The following GAS6 variants were observed in gnomAD, a reference collection of about 807,000 sequenced individuals.
The protein encoded by GAS6 is growth arrest-specific protein 6.
Under a neutral mutation model 75.8 loss-of-function variants are expected in GAS6, and 41 were observed. The observed-to-expected ratio is 0.54, with a 90% CI of 0.42 to 0.70. GAS6 has a LOEUF of 0.70. GAS6 is among the 30% of genes least tolerant of loss of function. GAS6 has a pLI of 0.00. For synonymous variants in GAS6, 432 were observed against 412.6 expected, an observed-to-expected ratio of 1.05 and a Z score of -0.57; for missense variants, 854 against 940.2, an observed-to-expected ratio of 0.91 and a Z score of 1.20.
chr13:113,853,805 A>T (rs1014883511), intron 2 of GAS6, among the ~76,000 whole-genome samples: 9 of 152,210 alleles, frequency 5.9e-5, no homozygotes, highest in African/African-American at 1.9e-4. Context: ...GACTCTCTGA[A>T]GAGCCGCCGT....
At chr13:113,840,467 C>G (rs1010583548) in intron 4 of GAS6, 1 of 152,820 alleles carries the variant, frequency 6.5e-6, no homozygotes, top group African/African-American at 2.4e-5. Flanking sequence ...GTCAGGGGAA[C>G]GGGTGAGGGC....
chr13:113,852,219 G>A (rs113651271), intron 2 of GAS6, among the ~76,000 whole-genome samples: 16 of 152,366 alleles, frequency 1.1e-4, no homozygotes, highest in African/African-American at 3.1e-4. Context: ...GCTACTGTTA[G>A]TGTTAATTTT....
At chr13:113,834,007 AGTGTGACAGGCCCCG>A (rs1254193400) in intron 8 of GAS6, among the ~76,000 whole-genome samples, 37 of 132,340 alleles carry the variant, frequency 2.8e-4, no homozygotes, top group Admixed American at 1.9e-3. Context: ...GACAGACACC[AGTGTGACAGGCCCCG>A]GTGTGACAGG....
chr13:113,862,034 G>C (rs2051975807), intron 2 of GAS6, among the ~76,000 whole-genome samples: 1 of 152,348 alleles, frequency 6.6e-6, no homozygotes, highest in African/African-American at 2.4e-5. Context: ...TTGTATTAAA[G>C]TGATGGGGTC....
At chr13:113,835,806 C>T in intron 6 of GAS6, 171 bp from the exon 7 acceptor site, 1 of 1,429,978 alleles carries the variant, frequency 7.0e-7, no homozygotes, top group Non-Finnish European at 9.1e-7. Context: ...CCGGGCAGCT[C>T]CCGGGGTGTT....
intron 2 of GAS6, among the ~76,000 whole-genome samples, chr13:113,857,730 C>G (rs1369657245): frequency 6.6e-6 from 1 of 152,200 alleles, no homozygotes; most frequent in African/African-American, 2.4e-5. Context: ...TCCTAAATAA[C>G]AAAGGGAGAC....
chr13:113,823,908 G>A (rs557411511), intron 12 of GAS6, among the ~76,000 whole-genome samples: 1 of 152,366 alleles, frequency 6.6e-6, no homozygotes, highest in East Asian at 1.9e-4. Flanking sequence ...GCGCCTGACA[G>A]CTCCTTCCTC....
intron 2 of GAS6, among the ~76,000 whole-genome samples, chr13:113,856,261 C>A (rs995636983): frequency 2.6e-5 from 4 of 152,228 alleles, no homozygotes; most frequent in African/African-American, 9.6e-5. Flanking sequence ...CGCCTGCACA[C>A]AGAGGAGCAC....
intron 7 of GAS6, 119 bp from the exon 8 acceptor site, chr13:113,834,791 T>A: frequency 8.5e-7 from 1 of 1,170,780 alleles, no homozygotes; most frequent in South Asian, 3.2e-5. Flanking sequence ...ACATGCAGAT[T>A]CTAACGGGGG....
At chr13:113,858,711 A>T (rs1384671431) in intron 2 of GAS6, among the ~76,000 whole-genome samples, 2 of 150,768 alleles carry the variant, frequency 1.3e-5, no homozygotes, top group Non-Finnish European at 3.0e-5. Flanking sequence ...GTGTATGTAC[A>T]TCTATGTGAA....
intron 10 of GAS6, among the ~76,000 whole-genome samples, chr13:113,830,926 T>A (rs1295134007): frequency 6.6e-6 from 1 of 152,258 alleles, no homozygotes; most frequent in Non-Finnish European, 1.5e-5. Flanking sequence ...GAGAACAGCC[T>A]CCTGCTCTTG....
intron 2 of GAS6, among the ~76,000 whole-genome samples, chr13:113,854,527 A>G (rs1209709758): frequency 6.6e-6 from 1 of 152,210 alleles, no homozygotes; most frequent in Non-Finnish European, 1.5e-5. Context: ...AACACAGAGC[A>G]TGCTCCCGAC....
chr13:113,823,479 C>A lies in GAS6; in HGVS notation c.1549G>T (p.Ala517Ser). The A allele has an allele frequency of 6.2e-7, 1 of 1,612,724 alleles. No individual in the cohort carries two copies. Among genetic ancestry groups the A allele is most frequent in the Non-Finnish European group, 8.5e-7 (1 of 1,179,946 alleles). ...AGCGCAAACAGCACGCCTGTGTCTGCGGCTGGGCGGATGTGAGCCACGACT... is the reference window on the plus strand; with the variant it reads ...AGCGCAAACAGCACGCCTGTGTCTGAGGCTGGGCGGATGTGAGCCACGACT... ...VEVVAHIRPA[A>S]DTGVLFALWA... Residue 517 changes from alanine (A) to serine (S), a missense_variant, in exon 13 of 15, where the codon GCA becomes TCA. Transcript: ENST00000327773.
intron 12 of GAS6, among the ~76,000 whole-genome samples, 168 bp from the exon 13 acceptor site, chr13:113,823,718 C>T (rs1282816385): frequency 6.6e-6 from 1 of 152,162 alleles, no homozygotes; most frequent in Admixed American, 6.5e-5. Flanking sequence ...AGATCTTGGC[C>T]CGGAGCCCAG....
intron 3 of GAS6, chr13:113,847,594 CAG>C (rs2051844284): frequency 5.3e-6 from 1 of 187,500 alleles, no homozygotes; most frequent in Non-Finnish European, 1.1e-5. Context: ...TCAAATTAAA[CAG>C]AAACACTATT....
intron 2 of GAS6, among the ~76,000 whole-genome samples, chr13:113,854,135 G>A (rs1266720441): frequency 6.6e-6 from 1 of 152,162 alleles, no homozygotes; most frequent in Non-Finnish European, 1.5e-5. Context: ...ACCCAGGTGC[G>A]CCCTCCCTTG....
chr13:113,852,505 G>A (rs548230908), intron 2 of GAS6, among the ~76,000 whole-genome samples: 4 of 152,286 alleles, frequency 2.6e-5, no homozygotes, highest in African/African-American at 9.6e-5. Flanking sequence ...CTAACATGAG[G>A]CCCCAAATTT....
chr13:113,828,302 T>C (rs1187390649), intron 11 of GAS6, among the ~76,000 whole-genome samples: 2 of 152,176 alleles, frequency 1.3e-5, no homozygotes, highest in Non-Finnish European at 2.9e-5. Context: ...CTTATCTCCA[T>C]TGAAAAATAG....
Position 113,863,551 on chromosome 13 carries a change from G to A in GAS6, c.255+24C>T. The A allele has an allele frequency of 1.3e-6, 2 of 1,496,372 alleles. No individual in the cohort carries two copies. Among genetic ancestry groups the A allele is most frequent in the Non-Finnish European group, 1.8e-6 (2 of 1,128,116 alleles). The allele number at this position is 1,496,372 out of a possible 1,614,324, so 92.7% of individuals were successfully genotyped here. On this transcript the variant is annotated intron_variant, in intron 2 of 14. Coordinates refer to ENST00000327773, the MANE Select transcript of GAS6 (RefSeq NM_000820.4). This position sits in a 1 kb window ranked among gnomAD's most constrained non-coding sequence, Gnocchi z 9.4. The stretch of plus-strand genomic sequence containing the variant: ...GCGCGCGGGCGCCAGGGGTTCCCCC[G>A]CATCCCGCCCGCCGGCTGCTCACCG...
Sources: allele counts gnomAD v4.1 joint callset (sites outside exome capture counted in the v4.1 genomes callset), GRCh38; gene constraint gnomAD v4.1.1; non-coding constraint Gnocchi (gnomAD v3.1); transcripts MANE v1.5; gene names NCBI Gene and HGNC (gene_info 2026-07-23, HGNC 2026-07-21).